ZNFX1: variants seen among roughly 807,000 people sequenced by gnomAD.
ZNFX1 encodes zinc finger NFX1-type containing 1.
Under a neutral mutation model 179.8 loss-of-function variants are expected in ZNFX1, and 78 were observed. The ratio of observed to expected loss-of-function variants is 0.43; its 90% confidence interval spans 0.36 to 0.52. ZNFX1 has a LOEUF of 0.52. Ranked by LOEUF, ZNFX1 falls within the 20% of genes least tolerant of loss-of-function variation. The pLI, the probability that ZNFX1 is intolerant of heterozygous loss-of-function variation, is 0.00. For missense variants in ZNFX1, 1,927 were observed against 2,386.6 expected, an observed-to-expected ratio of 0.81 and a Z score of 4.01; for synonymous variants, 848 against 868.5, an observed-to-expected ratio of 0.98 and a Z score of 0.42.
Position 49,247,885 on chromosome 20 carries a change from G to A in ZNFX1, c.5139C>T (p.Ala1713=). Residue 1713 remains alanine (A), a synonymous_variant, in exon 14 of 14, where the codon GCC becomes GCT. Transcript: ENST00000396105. ...ENYISFYDHL[A]SLWDSLKKMH... The stretch of plus-strand genomic sequence containing the variant: ...TCTTTTTCAGGGAATCCCACAGGCT[G>A]GCCAGGTGGTCATAGAAGCTGATGT... 6.2e-7 allele frequency: 1 copy of A among 1,614,098 alleles called. No homozygotes were observed. Among genetic ancestry groups the A allele is most frequent in the South Asian group, 1.1e-5 (1 of 91,086 alleles).
At position 49,248,528 on chromosome 20, in the gene ZNFX1, C is replaced by G. The variant is rs1450605758; in HGVS notation, c.4496G>C (p.Cys1499Ser). ...TCQNRCVHSQ[C>S]KKKCGELCSP... ...ACACAGCTCCCCACATTTCTTCTTG[C>G]ACTGGCTGTGGACACAGCGGTTCTG... The change falls in exon 14 of 14, where the codon TGC becomes TCC. Residue 1499 changes from cysteine to serine, a missense_variant. Cys to Ser is a moderately radical substitution (Grantham distance 112). Coordinates refer to ENST00000396105, the MANE Select transcript of ZNFX1 (RefSeq NM_021035.3). The surrounding 1 kb of genome is among the most constrained non-coding windows in gnomAD (Gnocchi z 4.6). 1 of 1,614,212 alleles carries G rather than the reference C, an allele frequency of 6.2e-7. No individual in the cohort carries two copies. Among genetic ancestry groups the G allele is most frequent in the Non-Finnish European group, 8.5e-7 (1 of 1,180,036 alleles).
In ZNFX1 at chr20:49,248,305, T is replaced by C; in HGVS notation, c.4719A>G (p.Ile1573Met). 1 of 1,613,998 alleles carries C rather than the reference T, an allele frequency of 6.2e-7. No homozygotes were observed. The highest frequency in any genetic ancestry group is 8.5e-7 in the Non-Finnish European group (1 of 1,180,002). ...RICHMDEVTQ[I>M]FFGFEDEPDA... Reference sequence around the variant, plus strand: ...CAGGCTCATCCTCAAAGCCAAAGAATATTTGGGTGACCTCATCCATGTGGC... The same window carrying C: ...CAGGCTCATCCTCAAAGCCAAAGAACATTTGGGTGACCTCATCCATGTGGC... The change falls in exon 14 of 14, where the codon ATA becomes ATG. Residue 1573 changes from isoleucine (I) to methionine (M), a missense_variant. Transcript: ENST00000396105. This position sits in a 1 kb window ranked among gnomAD's most constrained non-coding sequence, Gnocchi z 4.6.
intron 2 of ZNFX1, among the ~76,000 whole-genome samples, chr20:49,272,866 T>A (rs1394016285): frequency 6.6e-6 from 1 of 152,212 alleles, no homozygotes; most frequent in Non-Finnish European, 1.5e-5. Flanking sequence ...TACCAACCCT[T>A]ATACAGGAAG....
chr20:49,264,924 T>C, intron 4 of ZNFX1, 60 bp from the exon 5 acceptor site: 2 of 1,609,800 alleles, frequency 1.2e-6, no homozygotes, highest in Non-Finnish European at 8.5e-7. Context: ...TTCTCTCAGG[T>C]GAGAGCTGTG....
intron 13 of ZNFX1, among the ~76,000 whole-genome samples, chr20:49,250,223 C>G (rs1980802821): frequency 6.6e-6 from 1 of 152,162 alleles, no homozygotes; most frequent in Non-Finnish European, 1.5e-5. Flanking sequence ...CCACTGCACT[C>G]CAGCCTGGGT....
rs1568980568 is a variant in ZNFX1 at position 49,248,582 on chromosome 20, C to G, written c.4442G>C (p.Gly1481Ala). ...CSHKCQEPCI[G>A]ECPPCQRTCQ... ...GGTCCGCTGGCAGGGTGGGCACTCACCAATGCATGGTTCCTGGCACTTGTG... is the reference window on the plus strand; with the variant it reads ...GGTCCGCTGGCAGGGTGGGCACTCAGCAATGCATGGTTCCTGGCACTTGTG... The change falls in exon 14 of 14, where the codon GGT becomes GCT. Residue 1481 changes from glycine to alanine, a missense_variant. Transcript: ENST00000396105. The surrounding 1 kb of genome is among the most constrained non-coding windows in gnomAD (Gnocchi z 4.6). 6.2e-7 allele frequency: 1 copy of G among 1,614,200 alleles called. No individual in the cohort carries two copies. The highest frequency in any genetic ancestry group is 8.5e-7 in the Non-Finnish European group (1 of 1,180,038).
At chr20:49,272,822 T>C (rs1488979069) in intron 2 of ZNFX1, among the ~76,000 whole-genome samples, 1 of 152,214 alleles carries the variant, frequency 6.6e-6, no homozygotes, top group Non-Finnish European at 1.5e-5. Flanking sequence ...CTCCTTTCTG[T>C]AGCATGAACT....
chr20:49,266,727 C>T lies in ZNFX1; in HGVS notation c.1871-461G>A, dbSNP rs141892311. ...TTTTTTAGCCAGTTTTCTATTGATG[C>T]TGTATATATTGTTTCCAATCTTGTG... On this transcript the variant is annotated intron_variant, in intron 3 of 13. Transcript: ENST00000396105. Among the ~76,000 whole-genome samples the T allele has an allele frequency of 8.3e-5, 10 of 120,716 alleles. No homozygotes were observed. In the East Asian group the frequency reaches 2.8e-3, roughly 33 times the overall value. The allele number at this position is 120,716 out of a possible 152,430, so 79.2% of individuals were successfully genotyped here.
chr20:49,268,015 A>C (rs1241571663), intron 3 of ZNFX1, among the ~76,000 whole-genome samples: 1 of 151,930 alleles, frequency 6.6e-6, no homozygotes, highest in Non-Finnish European at 1.5e-5. Flanking sequence ...CTGGGACTAC[A>C]GGCGCCTGCC....
At chr20:49,260,246 A>G (rs512653) in intron 7 of ZNFX1, among the ~76,000 whole-genome samples, 101,548 of 148,372 alleles carry the variant, frequency 0.68, 35,673 homozygotes, top group Non-Finnish European at 0.78. Context: ...CCGAGATCAC[A>G]CCACTGCACT....
intron 6 of ZNFX1, among the ~76,000 whole-genome samples, chr20:49,261,337 A>G (rs1981105643): frequency 6.6e-6 from 1 of 152,226 alleles, no homozygotes; most frequent in South Asian, 2.1e-4. Context: ...GACTGGATAA[A>G]GAAAACGTGG....
intron 8 of ZNFX1, among the ~76,000 whole-genome samples, chr20:49,256,551 C>T (rs765668468): frequency 3.9e-5 from 6 of 152,178 alleles, no homozygotes; most frequent in East Asian, 1.9e-4. Context: ...CTCTTCTGGC[C>T]GTCACTGAGT....
Position 49,259,235 on chromosome 20 carries a change from T to C in ZNFX1, c.2416+1228A>G, listed in dbSNP as rs529115705. On this transcript the variant is annotated intron_variant, in intron 7 of 13. Transcript: ENST00000396105. ...TGTAAATATGTAATATAAAGGATAA[T>C]AAAAATATATAAAATGAATACCCAA... Among the ~76,000 whole-genome samples the C allele has an allele frequency of 2.4e-3, 364 of 151,754 alleles. 5 individuals are homozygous for C. In the South Asian group the frequency reaches 0.04, roughly 17 times the overall value.
intron 8 of ZNFX1, among the ~76,000 whole-genome samples, chr20:49,256,782 T>A (rs1255507326): frequency 2.0e-5 from 3 of 152,238 alleles, no homozygotes; most frequent in Admixed American, 6.5e-5. Context: ...AGATGAAAAC[T>A]GCATCCAAAG....
Position 49,252,711 on chromosome 20 carries a change from G to C in ZNFX1, c.3216+9C>G. 3 of 1,611,184 alleles carry C rather than the reference G, an allele frequency of 1.9e-6. No individual in the cohort carries two copies. Among genetic ancestry groups the C allele is most frequent in the Non-Finnish European group, 2.5e-6 (3 of 1,177,374 alleles). On this transcript the variant is annotated intron_variant, in intron 12 of 13. Coordinates refer to ENST00000396105, the MANE Select transcript of ZNFX1 (RefSeq NM_021035.3). ...GGCATTTGGTAACAACAGAGGCCCA[G>C]CTTCTCACCTGGTAATTCAGACGGA...
At chr20:49,259,939 G>A (rs1009540844) in intron 7 of ZNFX1, among the ~76,000 whole-genome samples, 1 of 152,234 alleles carries the variant, frequency 6.6e-6, no homozygotes, top group African/African-American at 2.4e-5. Flanking sequence ...CCCAGCAGCA[G>A]TGCATCAGAG....
intron 2 of ZNFX1, among the ~76,000 whole-genome samples, chr20:49,275,531 T>TA (rs1981535269): frequency 6.6e-6 from 1 of 151,878 alleles, no homozygotes; most frequent in Admixed American, 6.6e-5. Context: ...AATTTATATA[T>TA]TTTTTTGTAG....
chr20:49,267,184 C>T (rs992642195), intron 3 of ZNFX1, among the ~76,000 whole-genome samples: 1 of 152,218 alleles, frequency 6.6e-6, no homozygotes, highest in Admixed American at 6.5e-5. Flanking sequence ...GCGTGAGCCA[C>T]CATGCCTGGC....
In ZNFX1 at chr20:49,257,581, C is replaced by T; in HGVS notation, c.2500G>A (p.Ala834Thr). The T allele has an allele frequency of 6.2e-7, 1 of 1,614,034 alleles. No individual in the cohort carries two copies. The highest frequency in any genetic ancestry group is 8.5e-7 in the Non-Finnish European group (1 of 1,180,018). Residue 834 changes from alanine (A) to threonine (T), a missense_variant, in exon 8 of 14, where the codon GCA becomes ACA. Transcript: ENST00000396105. Reference protein sequence around the residue: ...EIAEEADLIQADRVIEEEEVV... With the variant: ...EIAEEADLIQTDRVIEEEEVV... ...TCTTCCTCCTCAATCACCCGGTCTG[C>T]TTGAATCAGGTCAGCTTCCTCTGCG...
Sources: allele counts gnomAD v4.1 joint callset (sites outside exome capture counted in the v4.1 genomes callset), GRCh38; gene constraint gnomAD v4.1.1; non-coding constraint Gnocchi (gnomAD v3.1); transcripts MANE v1.5; gene names NCBI Gene and HGNC (gene_info 2026-07-23, HGNC 2026-07-21).